The following TEX14 variants were observed in gnomAD, a reference collection of about 807,000 sequenced individuals.
The protein encoded by TEX14 is testis expressed 14, intercellular bridge forming factor, also known as inactive serine/threonine-protein kinase TEX14.
A neutral mutation model predicts 178.6 loss-of-function variants in TEX14; 168 were observed. The observed-to-expected ratio is 0.94, with a 90% confidence interval of 0.83 to 1.07. The LOEUF (loss-of-function observed/expected upper bound fraction) is 1.07. Ranked by LOEUF, TEX14 falls within the 50% of genes least tolerant of loss-of-function variation. The pLI is 0.00. For missense variants in TEX14, 1,730 were observed against 1,753.6 expected (o/e 0.99, Z 0.24); for synonymous variants, 626 against 634.1 (o/e 0.99, Z 0.19).
At chr17:58,605,540 C>A (rs1187501658) in intron 10 of TEX14, among the ~76,000 whole-genome samples, 1 of 152,200 alleles carries the variant, frequency 6.6e-6, no homozygotes, top group Non-Finnish European at 1.5e-5. Flanking sequence ...CCAATACCTG[C>A]AATTCCTTAC....
intron 3 of TEX14, among the ~76,000 whole-genome samples, chr17:58,629,639 A>G (rs546567553): frequency 6.6e-6 from 1 of 151,640 alleles, no homozygotes; most frequent in Non-Finnish European, 1.5e-5. Flanking sequence ...CCTGAGACCA[A>G]CCTGGCTAGC....
In TEX14 at chr17:58,617,599, T is replaced by C; in HGVS notation, c.575A>G (p.Asn192Ser). The C allele has an allele frequency of 6.2e-7, 1 of 1,613,166 alleles. No individual in the cohort carries two copies. Among genetic ancestry groups the C allele is most frequent in the Non-Finnish European group, 8.5e-7 (1 of 1,179,366 alleles). The stretch of plus-strand genomic sequence containing the variant: ...AATGACTCCAGCTTTAAGCAGTCGG[T>C]TAGGAGAGCCATTAGGGTTTCTAGA... ...LVQGNPNGSP[N>S]RLLKAGVISA... Residue 192 changes from asparagine (N) to serine (S), a missense_variant, in exon 6 of 32, where the codon AAC (asparagine) becomes AGC (serine). Physicochemically the swap from Asn to Ser is conservative, Grantham distance 46 (BLOSUM62 1). Around this residue, in one of 2 missense-constraint regions of TEX14, gnomAD observed 789 missense variants for 681.2 expected, o/e 1.16. Transcript: ENST00000349033.
intron 1 of TEX14, among the ~76,000 whole-genome samples, chr17:58,690,513 G>A (rs302875): frequency 0.24 from 36,469 of 152,094 alleles, 5,280 homozygotes; most frequent in Middle Eastern, 0.41. Context: ...TTCTAAACAC[G>A]ACTGATTCCA....
chr17:58,691,657 ACT>A (rs1281174892), intron 1 of TEX14, among the ~76,000 whole-genome samples: 14 of 109,736 alleles, frequency 1.3e-4, no homozygotes, highest in African/African-American at 5.5e-4. Flanking sequence ...ACACAGTGAG[ACT>A]CTGTCTCAAA....
chr17:58,659,550 T>C lies in TEX14; in HGVS notation c.-1-7548A>G, dbSNP rs1235183942. On this transcript the variant is annotated intron_variant, in intron 1 of 31. Transcript: ENST00000349033. ...CTCTTATAGTAACGTCACCACCTGC[T>C]TCTGTACGATCTGACTGAACTCCCT... Among the ~76,000 whole-genome samples the C allele has an allele frequency of 2.0e-5, 3 of 152,190 alleles. No homozygotes were observed. The East Asian group carries it at 5.8e-4, about 29-fold the overall frequency.
At chr17:58,610,423 C>A (rs1483390125) in intron 10 of TEX14, among the ~76,000 whole-genome samples, 1 of 152,188 alleles carries the variant, frequency 6.6e-6, no homozygotes, top group Non-Finnish European at 1.5e-5. Flanking sequence ...CCCACTGTGT[C>A]CCCTCCATGT....
At chr17:58,607,123 T>C (rs2045628084) in intron 10 of TEX14, among the ~76,000 whole-genome samples, 1 of 151,738 alleles carries the variant, frequency 6.6e-6, no homozygotes, top group African/African-American at 2.4e-5. Flanking sequence ...TTCAACAAAC[T>C]GATATGCCCT....
intron 18 of TEX14, 46 bp from the exon 19 acceptor site, chr17:58,584,646 C>G: frequency 7.0e-7 from 1 of 1,427,006 alleles, no homozygotes; most frequent in Non-Finnish European, 9.9e-7. Context: ...CAGTGATATT[C>G]AGACAACATG....
chr17:58,616,925 T>G (rs977633888), intron 6 of TEX14, among the ~76,000 whole-genome samples: 6 of 152,052 alleles, frequency 3.9e-5, no homozygotes, highest in Admixed American at 3.9e-4. Context: ...CTCCTCTCCC[T>G]CCCCACCAGG....
At chr17:58,632,588 T>C (rs867084796) in intron 2 of TEX14, among the ~76,000 whole-genome samples, 9 of 152,176 alleles carry the variant, frequency 5.9e-5, no homozygotes, top group African/African-American at 2.2e-4. Flanking sequence ...TACATACTTA[T>C]GTGAGAAAAT....
intron 1 of TEX14, among the ~76,000 whole-genome samples, chr17:58,689,189 A>G (rs936394412): frequency 1.3e-5 from 2 of 151,710 alleles, no homozygotes; most frequent in Non-Finnish European, 2.9e-5. Context: ...CGGCCTCCCA[A>G]AGTGCTGTGA....
chr17:58,676,197 GA>G (rs1461214357), intron 1 of TEX14, among the ~76,000 whole-genome samples: 1 of 152,090 alleles, frequency 6.6e-6, no homozygotes, highest in Admixed American at 6.6e-5. Flanking sequence ...CCAAAATGGT[GA>G]AACCCCATCT....
At position 58,611,179 on chromosome 17, in the gene TEX14, A is replaced by C; in HGVS notation, c.1166T>G (p.Leu389Arg). ...TGCCCACCTTTCCAACATGTACTCC[A>C]GGTTGGTCAGCCTCGCTTCACCTGG... The part of the protein sequence containing the change: ...ISPGEARLTN[L>R]EYMLESEDRG... Residue 389 changes from leucine to arginine, a missense_variant, in exon 10 of 32, where the codon CTG (leucine) becomes CGG (arginine). Physicochemically the swap from Leu to Arg is moderately radical, Grantham distance 102 (BLOSUM62 -2). This residue lies in a region of TEX14 where 789 missense variants were observed against 681.2 expected (regional missense o/e 1.16). Coordinates refer to ENST00000349033, the MANE Select transcript of TEX14 (RefSeq NM_031272.5). 6.2e-7 allele frequency: 1 copy of C among 1,613,790 alleles called. No individual in the cohort carries two copies. Among genetic ancestry groups the C allele is most frequent in the Non-Finnish European group, 8.5e-7 (1 of 1,179,756 alleles).
At chr17:58,565,598 A>C (rs1398413816) in intron 27 of TEX14, 149 bp downstream of exon 27, 1 of 596,360 alleles carries the variant, frequency 1.7e-6, no homozygotes, top group African/African-American at 1.8e-5. Flanking sequence ...CAGAAACAGT[A>C]AAACAGCTTG....
chr17:58,673,774 T>A (rs2047342912), intron 1 of TEX14, among the ~76,000 whole-genome samples: 1 of 152,072 alleles, frequency 6.6e-6, no homozygotes, highest in East Asian at 1.9e-4. Flanking sequence ...GGTTAAGCCA[T>A]GTTGCCCAGC....
chr17:58,630,224 T>C (rs909656938), intron 3 of TEX14, among the ~76,000 whole-genome samples: 1 of 142,184 alleles, frequency 7.0e-6, no homozygotes, highest in Non-Finnish European at 1.6e-5. Context: ...GCCTGGCTAA[T>C]TTTTTGTATT....
chr17:58,665,980 C>T (rs748522126), intron 1 of TEX14, among the ~76,000 whole-genome samples: 5 of 149,488 alleles, frequency 3.3e-5, no homozygotes, highest in African/African-American at 5.0e-5. Flanking sequence ...ACCTAGGAGG[C>T]GGAGGTTGCA....
At chr17:58,564,545 T>C (rs763141194) in intron 28 of TEX14, among the ~76,000 whole-genome samples, 2 of 152,134 alleles carry the variant, frequency 1.3e-5, no homozygotes, top group Non-Finnish European at 2.9e-5. Flanking sequence ...AAAATGGGTA[T>C]AGAGTTTCAG....
intron 3 of TEX14, among the ~76,000 whole-genome samples, chr17:58,630,210 C>T (rs569173769): frequency 6.6e-6 from 1 of 150,886 alleles, no homozygotes; most frequent in South Asian, 2.1e-4. Flanking sequence ...GCATGCGCCA[C>T]CACGCCTGGC....
Sources: allele counts gnomAD v4.1 joint callset (sites outside exome capture counted in the v4.1 genomes callset), GRCh38; gene constraint gnomAD v4.1.1; regional missense constraint gnomAD v4.1.1; transcripts MANE v1.5; gene names NCBI Gene and HGNC (gene_info 2026-07-23, HGNC 2026-07-21).